Variants in MCPH1 observed in about 807,000 individuals in gnomAD.
The protein encoded by MCPH1 is microcephalin 1.
A neutral mutation model predicts 84.5 loss-of-function variants in MCPH1; 104 were observed. The ratio of observed to expected loss-of-function variants is 1.23; its 90% CI spans 1.05 to 1.45. MCPH1 has a LOEUF of 1.45. Among genes scored for constraint, MCPH1 ranks in the 40% most tolerant of loss-of-function variants. MCPH1 has a pLI of 0.00. For synonymous variants in MCPH1, 514 were observed against 366.8 expected (o/e 1.40, Z -4.58); for missense variants, 1,498 against 1,005.7 (o/e 1.49, Z -6.62).
intron 8 of MCPH1, among the ~76,000 whole-genome samples, chr8:6,449,950 A>T (rs1227884919): frequency 2.0e-5 from 3 of 152,172 alleles, no homozygotes; most frequent in Non-Finnish European, 4.4e-5. Context: ...CACGAAGGAG[A>T]CACAGTTGTC....
At chr8:6,562,539 C>T (rs1012300620) in intron 12 of MCPH1, 11 of 325,922 alleles carry the variant, frequency 3.4e-5, no homozygotes, top group Non-Finnish European at 5.1e-5. Context: ...CTCTAATCCT[C>T]TTCATCCTCC....
chr8:6,611,655 G>A (rs762547711), intron 12 of MCPH1, among the ~76,000 whole-genome samples: 5 of 151,736 alleles, frequency 3.3e-5, no homozygotes, highest in Non-Finnish European at 5.9e-5. Flanking sequence ...GTCTCACTCT[G>A]TCTCCCAGGC....
chr8:6,614,265 G>T (rs889170585), intron 12 of MCPH1, among the ~76,000 whole-genome samples: 1 of 152,172 alleles, frequency 6.6e-6, no homozygotes, highest in South Asian at 2.1e-4. Flanking sequence ...TTGGCCGCTC[G>T]GACAGGACTC....
chr8:6,633,102 C>CA (rs1797287816), intron 13 of MCPH1, among the ~76,000 whole-genome samples: 2 of 150,930 alleles, frequency 1.3e-5, no homozygotes, highest in Admixed American at 1.3e-4. Flanking sequence ...AAACGTACAA[C>CA]AAATATTGAA....
At chr8:6,612,085 T>C (rs1041311536) in intron 12 of MCPH1, among the ~76,000 whole-genome samples, 4 of 152,094 alleles carry the variant, frequency 2.6e-5, no homozygotes, top group Admixed American at 2.6e-4. Flanking sequence ...GCCACCTCAT[T>C]AGCATACACG....
At chr8:6,470,026 C>A (rs759484077) in intron 9 of MCPH1, among the ~76,000 whole-genome samples, 2 of 151,992 alleles carry the variant, frequency 1.3e-5, no homozygotes, top group Non-Finnish European at 2.9e-5. Context: ...GGAAAAGAAT[C>A]CTGCATGTTT....
In MCPH1 at chr8:6,445,277, T is replaced by C. The variant is rs766504540; in HGVS notation, c.1555T>C (p.Cys519Arg). 9 of 1,614,084 alleles carry C rather than the reference T, an allele frequency of 5.6e-6. No homozygotes were observed. Among genetic ancestry groups the C allele is most frequent in the Admixed American group, 1.7e-5 (1 of 60,000 alleles). Residue 519 changes from cysteine (C) to arginine (R), a missense_variant, in exon 8 of 14, where the codon TGC becomes CGC. Coordinates refer to ENST00000344683, the MANE Select transcript of MCPH1 (RefSeq NM_024596.5). ...TAGACAGGCTGGGAAAGAAGACGCATGCCCAGAGGGAAATGGCTTTTCTTA... is the reference window on the plus strand; with the variant it reads ...TAGACAGGCTGGGAAAGAAGACGCACGCCCAGAGGGAAATGGCTTTTCTTA... ...CCRQAGKEDA[C>R]PEGNGFSYTI... is the part of the protein sequence containing the mutation.
chr8:6,453,741 G>C (rs542628018), intron 8 of MCPH1, among the ~76,000 whole-genome samples: 1 of 152,144 alleles, frequency 6.6e-6, no homozygotes, highest in Non-Finnish European at 1.5e-5. Flanking sequence ...ATAGGAGATT[G>C]CATTCATGTT....
chr8:6,571,872 G>A (rs765769810), intron 12 of MCPH1, among the ~76,000 whole-genome samples: 1 of 152,140 alleles, frequency 6.6e-6, no homozygotes, highest in Non-Finnish European at 1.5e-5. Flanking sequence ...AGGAAGTGAT[G>A]TTTGCTTGAA....
intron 12 of MCPH1, among the ~76,000 whole-genome samples, chr8:6,593,837 A>G (rs57406662): frequency 0.014 from 2,098 of 152,304 alleles, 47 homozygotes; most frequent in African/African-American, 0.048. Flanking sequence ...TTCTTTTGCA[A>G]AGATTGAGAT....
At chr8:6,620,644 G>A (rs1056299301) in intron 12 of MCPH1, among the ~76,000 whole-genome samples, 6 of 152,104 alleles carry the variant, frequency 3.9e-5, no homozygotes, top group South Asian at 2.1e-4. Flanking sequence ...GGGAAAATAC[G>A]CAAAACAAAA....
rs546890124 is a variant in MCPH1, at chr8:6,546,372, G to T, written c.2214+46443G>T. On this transcript the variant is annotated intron_variant, in intron 12 of 13. Transcript: ENST00000344683. ...CCTCTGTAAAGCTAGGTTTTTGGTG[G>T]TTGCTGTTTGTGAAAAGCAAGTGCT... 3.9e-5 allele frequency among the ~76,000 whole-genome samples: 6 copies of T among 152,300 alleles called. No homozygotes were observed. In the East Asian group the frequency reaches 1.2e-3, roughly 29 times the overall value.
At chr8:6,414,572 ATG>A (rs1798992601) in intron 2 of MCPH1, among the ~76,000 whole-genome samples, 191 bp from the exon 3 acceptor site, 1 of 152,174 alleles carries the variant, frequency 6.6e-6, no homozygotes, top group African/African-American at 2.4e-5. Flanking sequence ...GAGGGAGTAG[ATG>A]TGAACTTGTG....
Position 6,532,382 on chromosome 8 carries a change from A to G in MCPH1, c.2214+32453A>G, listed in dbSNP as rs761684405. The stretch of plus-strand genomic sequence containing the variant: ...CGCGTTTGCTCCGCTGTTTGGTTCA[A>G]CAGGTTTGTCCCTATTTCTATCATC... On this transcript the variant is annotated intron_variant, in intron 12 of 13. Transcript: ENST00000344683. 3.1e-6 allele frequency: 5 copies of G among 1,614,056 alleles called. No individual in the cohort carries two copies. In the East Asian group the frequency reaches 6.7e-5, roughly 22 times the overall value.
intron 13 of MCPH1, chr8:6,625,762 C>T: frequency 2.0e-6 from 2 of 978,312 alleles, no homozygotes; most frequent in Non-Finnish European, 1.2e-6. Flanking sequence ...CCAGCCTAGG[C>T]AACAGAGCAA....
At chr8:6,526,773 T>G (rs917929768) in intron 12 of MCPH1, among the ~76,000 whole-genome samples, 1 of 152,214 alleles carries the variant, frequency 6.6e-6, no homozygotes, top group Non-Finnish European at 1.5e-5. Context: ...TATATACATG[T>G]CTTCATTAAA....
In MCPH1 at chr8:6,438,936, T is replaced by C; in HGVS notation, c.437-17T>C. The C allele has an allele frequency of 6.2e-7, 1 of 1,609,914 alleles. No homozygotes were observed. Among genetic ancestry groups the C allele is most frequent in the East Asian group, 2.2e-5 (1 of 44,780 alleles). The stretch of plus-strand genomic sequence containing the variant: ...GGCACTTTTTGGTCTTAAAGTGGAT[T>C]TTTTGTTTATTTTCAGATGATGATG... On this transcript the variant is annotated splice_polypyrimidine_tract_variant and intron_variant, in intron 5 of 13. Transcript: ENST00000344683.
intron 12 of MCPH1, among the ~76,000 whole-genome samples, chr8:6,517,711 G>A (rs1270134478): frequency 6.6e-6 from 1 of 152,166 alleles, no homozygotes; most frequent in African/African-American, 2.4e-5. Flanking sequence ...AAGGCTGAGG[G>A]TATCATTGTT....
intron 9 of MCPH1, among the ~76,000 whole-genome samples, chr8:6,460,246 A>C (rs975558622): frequency 1.3e-5 from 2 of 150,214 alleles, no homozygotes; most frequent in African/African-American, 2.5e-5. Context: ...GTATCTCCTT[A>C]TTTCATTCTG....
Sources: allele counts gnomAD v4.1 joint callset (sites outside exome capture counted in the v4.1 genomes callset), GRCh38; gene constraint gnomAD v4.1.1; transcripts MANE v1.5; gene names NCBI Gene and HGNC (gene_info 2026-07-23, HGNC 2026-07-21).